Variants in MMRN1 observed in about 807,000 individuals in gnomAD.
MMRN1 encodes the protein multimerin 1.
Under a neutral mutation model 100.7 loss-of-function variants are expected in MMRN1, and 94 were observed. The observed-to-expected ratio is 0.93, with a 90% CI of 0.79 to 1.11. MMRN1 has a LOEUF of 1.11. MMRN1 is among the 50% of genes least tolerant of loss of function. The pLI is 0.00. For missense variants in MMRN1, 1,606 were observed against 1,439.1 expected, an observed-to-expected ratio of 1.12 and a Z score of -1.88; for synonymous variants, 575 against 505.0, an observed-to-expected ratio of 1.14 and a Z score of -1.86.
chr4:89,909,144 C>A, intron 1 of MMRN1, 132 bp from the exon 2 acceptor site: 2 of 846,820 alleles, frequency 2.4e-6, no homozygotes, highest in Non-Finnish European at 3.5e-6. Context: ...TATTTTAAAG[C>A]TAAATAGCAA....
chr4:89,926,537 C>T (rs1167375094), intron 4 of MMRN1, among the ~76,000 whole-genome samples: 2 of 152,054 alleles, frequency 1.3e-5, no homozygotes, highest in African/African-American at 4.8e-5. Flanking sequence ...AGTCCCTTGT[C>T]AGATGGGTGG....
chr4:89,950,899 A>G (rs1723144716), intron 6 of MMRN1, among the ~76,000 whole-genome samples: 1 of 151,550 alleles, frequency 6.6e-6, no homozygotes, highest in African/African-American at 2.4e-5. Flanking sequence ...TTTTCTTTTC[A>G]GAGTTTTTCA....
At chr4:89,891,172 T>C (rs532595424), upstream of MMRN1, among the ~76,000 whole-genome samples, 126 of 152,210 alleles carry the variant, frequency 8.3e-4, no homozygotes, top group African/African-American at 2.9e-3. Flanking sequence ...GAATTTTCTT[T>C]AGGAGTAACT....
chr4:89,916,427 CTT>C (rs1278725251), intron 3 of MMRN1, among the ~76,000 whole-genome samples: 2 of 149,688 alleles, frequency 1.3e-5, no homozygotes, highest in Admixed American at 6.7e-5. Context: ...AAATGGGAAA[CTT>C]TATGAACATG....
chr4:89,916,717 C>G (rs1262597784), intron 3 of MMRN1, among the ~76,000 whole-genome samples: 2 of 149,866 alleles, frequency 1.3e-5, no homozygotes, highest in African/African-American at 4.9e-5. Context: ...TTTACTCTCT[C>G]CTCTCCTTCT....
chr4:89,933,952 A>G (rs2110630505), intron 5 of MMRN1, among the ~76,000 whole-genome samples: 1 of 152,120 alleles, frequency 6.6e-6, no homozygotes, highest in South Asian at 2.1e-4. Flanking sequence ...TTATATTTTA[A>G]ATAGTCATTT....
chr4:89,890,569 G>T (rs1246432170), upstream of MMRN1, among the ~76,000 whole-genome samples: 1 of 152,034 alleles, frequency 6.6e-6, no homozygotes, highest in Non-Finnish European at 1.5e-5. Context: ...GGAATAGGGA[G>T]ATATGTCTAT....
chr4:89,892,692 G>A (rs1721081699), upstream of MMRN1, among the ~76,000 whole-genome samples: 1 of 151,742 alleles, frequency 6.6e-6, no homozygotes, highest in African/African-American at 2.4e-5. Flanking sequence ...CTAGGATAGG[G>A]GTGAGCAAAA....
chr4:89,880,081 T>C (rs77787578), intron 1 of MMRN1, among the ~76,000 whole-genome samples: 2,973 of 152,296 alleles, frequency 0.02, 85 homozygotes, highest in African/African-American at 0.068. Flanking sequence ...TCTTTTGAAG[T>C]CAAACTCTGG....
At position 89,935,487 on chromosome 4, in the gene MMRN1, T is replaced by C. The variant is rs1722588427; in HGVS notation, c.1807T>C (p.Phe603Leu). The C allele has an allele frequency of 6.2e-7, 1 of 1,613,534 alleles. No homozygotes were observed. Among genetic ancestry groups the C allele is most frequent in the East Asian group, 2.2e-5 (1 of 44,802 alleles). Residue 603 changes from phenylalanine to leucine, a missense_variant, in exon 6 of 8, where the codon TTT (phenylalanine) becomes CTT (leucine). Coordinates refer to ENST00000264790, the MANE Select transcript of MMRN1 (RefSeq NM_007351.3). ...EDMLSKCRNDFKFQLKDTEEN... is the reference protein window; with the variant it reads ...EDMLSKCRNDLKFQLKDTEEN... ...CATGTTATCCAAATGCAGAAATGAT[T>C]TTAAATTTCAACTTAAGGACACAGA...
rs747965308 is a variant in MMRN1 at position 89,935,483 on chromosome 4, T to C, written c.1803T>C (p.Asn601=). 1.2e-6 allele frequency: 2 copies of C among 1,613,366 alleles called. No homozygotes were observed. Among genetic ancestry groups the C allele is most frequent in the Non-Finnish European group, 1.7e-6 (2 of 1,179,752 alleles). Residue 601 remains asparagine, a synonymous_variant, in exon 6 of 8, where the codon AAT becomes AAC. Coordinates refer to ENST00000264790, the MANE Select transcript of MMRN1 (RefSeq NM_007351.3). ...ECEDMLSKCR[N]DFKFQLKDTE... ...AAGACATGTTATCCAAATGCAGAAATGATTTTAAATTTCAACTTAAGGACA... is the reference window on the plus strand; with the variant it reads ...AAGACATGTTATCCAAATGCAGAAACGATTTTAAATTTCAACTTAAGGACA...
At chr4:89,939,939 C>T (rs1722770842) in intron 6 of MMRN1, among the ~76,000 whole-genome samples, 1 of 152,094 alleles carries the variant, frequency 6.6e-6, no homozygotes, top group South Asian at 2.1e-4. Flanking sequence ...GTCACAAGAT[C>T]TTCCTTTGAC....
intron 3 of MMRN1, among the ~76,000 whole-genome samples, chr4:89,919,483 A>T (rs905412241): frequency 1.3e-5 from 2 of 151,778 alleles, no homozygotes; most frequent in African/African-American, 2.4e-5. Flanking sequence ...TTTGAATCCA[A>T]CGTTTACCTA....
At chr4:89,932,846 A>G (rs1260893981) in intron 5 of MMRN1, among the ~76,000 whole-genome samples, 2 of 152,028 alleles carry the variant, frequency 1.3e-5, no homozygotes, top group South Asian at 2.1e-4. Flanking sequence ...CTCTGGAGGC[A>G]TTTTCTCCAT....
chr4:89,936,694 AATC>A lies in MMRN1; in HGVS notation c.3017_3019del (p.Ser1006del), dbSNP rs558508287. ...GTTGTCAAGTCTCAGAAGCAAGTAA[AATC>A]ATTGCCAAAGAAAATTAACGCACTT... On this transcript the variant is annotated inframe_deletion, in exon 6 of 8. Coordinates refer to ENST00000264790, the MANE Select transcript of MMRN1 (RefSeq NM_007351.3). 1,995 of 1,613,588 alleles carry A rather than the reference AATC, an allele frequency of 1.2e-3. 4 individuals carry two copies. The highest frequency in any genetic ancestry group is 1.6e-3 in the Non-Finnish European group (1,893 of 1,179,678).
upstream of MMRN1, among the ~76,000 whole-genome samples, chr4:89,891,067 T>A (rs1721043590): frequency 1.3e-5 from 2 of 152,092 alleles, no homozygotes; most frequent in Non-Finnish European, 2.9e-5. Context: ...ACTCCCAGTC[T>A]TTGGTTTATT....
At chr4:89,907,720 T>G (rs1222707023) in intron 1 of MMRN1, among the ~76,000 whole-genome samples, 1 of 151,450 alleles carries the variant, frequency 6.6e-6, no homozygotes, top group African/African-American at 2.4e-5. Flanking sequence ...TTAAGAACAT[T>G]CAGTCCATTT....
At chr4:89,923,086 A>G (rs1013161136) in intron 3 of MMRN1, 82 bp from the exon 4 acceptor site, 1 of 1,118,282 alleles carries the variant, frequency 8.9e-7, no homozygotes, top group East Asian at 2.4e-5. Context: ...AATGAATGTC[A>G]GCCAAATTAT....
At chr4:89,900,732 T>C (rs1009522886) in intron 1 of MMRN1, among the ~76,000 whole-genome samples, 96 of 152,114 alleles carry the variant, frequency 6.3e-4, no homozygotes, top group African/African-American at 2.2e-3. Flanking sequence ...GGGTTTGGCA[T>C]CCAGAGGGGA....
Sources: allele counts gnomAD v4.1 joint callset (sites outside exome capture counted in the v4.1 genomes callset), GRCh38; gene constraint gnomAD v4.1.1; transcripts MANE v1.5; gene names NCBI Gene and HGNC (gene_info 2026-07-23, HGNC 2026-07-21).